FUCA1: variants seen among roughly 807,000 people sequenced by gnomAD.
FUCA1 encodes the protein alpha-L-fucosidase 1.
FUCA1 carries 52 observed loss-of-function variants against 56.8 expected under a neutral mutation model. The observed-to-expected ratio is 0.92, with a 90% confidence interval of 0.73 to 1.15. The LOEUF is 1.15. Ranked by LOEUF, FUCA1 falls within the 50% of genes most tolerant of loss-of-function variation. The pLI is 0.00. For synonymous variants in FUCA1, 230 were observed against 226.6 expected (o/e 1.02, Z -0.14); for missense variants, 568 against 592.6 (o/e 0.96, Z 0.43).
chr1:23,847,027 C>A (rs1639157876), intron 6 of FUCA1, among the ~76,000 whole-genome samples: 1 of 152,112 alleles, frequency 6.6e-6, no homozygotes, highest in Non-Finnish European at 1.5e-5. Flanking sequence ...GCCACTCATT[C>A]CCCTTTCAAT....
At chr1:23,846,005 G>A (rs897382763) in intron 7 of FUCA1, 69 bp downstream of exon 7, 1 of 1,500,960 alleles carries the variant, frequency 6.7e-7, no homozygotes, top group Non-Finnish European at 9.3e-7. Context: ...TGGCAGGGAA[G>A]GAAGAAAGGA....
chr1:23,860,820 G>A (rs1038922425), intron 3 of FUCA1, among the ~76,000 whole-genome samples: 2 of 151,524 alleles, frequency 1.3e-5, no homozygotes, highest in Non-Finnish European at 2.9e-5. Flanking sequence ...CATATTTTCA[G>A]TACAGACAGT....
At chr1:23,853,358 C>T (rs545050203) in intron 5 of FUCA1, among the ~76,000 whole-genome samples, 11 of 151,468 alleles carry the variant, frequency 7.3e-5, no homozygotes, top group East Asian at 5.9e-4. Flanking sequence ...GGTCAGCCCC[C>T]GCCCGGCCAG....
chr1:23,863,381 A>T, intron 2 of FUCA1, 110 bp from the exon 3 acceptor site: 1 of 1,053,522 alleles, frequency 9.5e-7, no homozygotes, highest in Non-Finnish European at 1.4e-6. Flanking sequence ...CACTCATAAG[A>T]GCATATAGAG....
chr1:23,848,477 C>T (rs1392828662), intron 6 of FUCA1, among the ~76,000 whole-genome samples, 172 bp downstream of exon 6: 1 of 152,148 alleles, frequency 6.6e-6, no homozygotes, highest in Non-Finnish European at 1.5e-5. Context: ...TCAAAGATAA[C>T]CAAGTAGCCT....
intron 5 of FUCA1, among the ~76,000 whole-genome samples, chr1:23,851,379 T>TAC (rs1214463507): frequency 2.7e-3 from 226 of 83,508 alleles, no homozygotes; most frequent in South Asian, 4.4e-3. Context: ...AATAAATAAA[T>TAC]ATACACATAC....
At chr1:23,861,254 C>T (rs1332555104) in intron 3 of FUCA1, among the ~76,000 whole-genome samples, 20 of 133,340 alleles carry the variant, frequency 1.5e-4, no homozygotes, top group African/African-American at 5.1e-4. Flanking sequence ...ACCCGGGAGG[C>T]GGAGCTTGCA....
In FUCA1 at chr1:23,848,630, A is replaced by G. The variant is rs1232127960; in HGVS notation, c.1160+19T>C. On this transcript the variant is annotated intron_variant, in intron 6 of 7. Coordinates refer to ENST00000374479, the MANE Select transcript of FUCA1 (RefSeq NM_000147.5). The stretch of plus-strand genomic sequence containing the variant: ...GGGGCACTGTTCTGTTCTTACACAC[A>G]ACAGAAGACAAGACTCACCATACAG... 1.2e-6 allele frequency: 2 copies of G among 1,613,418 alleles called. No homozygotes were observed. Among genetic ancestry groups the G allele is most frequent in the Non-Finnish European group, 1.7e-6 (2 of 1,179,502 alleles).
rs1639639843 is a variant in FUCA1, at chr1:23,867,076, C to T, written c.389+822G>A. Among the ~76,000 whole-genome samples the T allele has an allele frequency of 6.6e-6, 1 of 152,184 alleles. No homozygotes were observed. The highest frequency in any genetic ancestry group is 2.1e-4 in the South Asian group (1 of 4,828). ...TAAGCCAGGGGCTGGGGAAACCTCC[C>T]CGCCTCCATTTTTACTCTTCTCCAA... On this transcript the variant is annotated intron_variant, in intron 1 of 7. Transcript: ENST00000374479. This position sits in a 1 kb window ranked among gnomAD's most constrained non-coding sequence, Gnocchi z 4.9.
At chr1:23,863,011 T>G (rs1380561174) in intron 3 of FUCA1, 123 bp downstream of exon 3, 1 of 1,054,804 alleles carries the variant, frequency 9.5e-7, no homozygotes, top group Non-Finnish European at 1.5e-6. Context: ...CCACCACTTT[T>G]TATTATTTTG....
intron 4 of FUCA1, among the ~76,000 whole-genome samples, chr1:23,855,486 C>T (rs888159586): frequency 1.3e-5 from 2 of 152,180 alleles, no homozygotes; most frequent in Non-Finnish European, 1.5e-5. Flanking sequence ...AACAGCAGAG[C>T]GAGACTCCGT....
intron 6 of FUCA1, 126 bp from the exon 7 acceptor site, chr1:23,846,299 T>C (rs1188001111): frequency 1.1e-5 from 8 of 701,190 alleles, no homozygotes; most frequent in Non-Finnish European, 1.7e-5. Context: ...TGAGACAGAG[T>C]CTCCCTCTGT....
intron 6 of FUCA1, among the ~76,000 whole-genome samples, chr1:23,846,462 C>T (rs540927950): frequency 6.6e-6 from 1 of 152,032 alleles, no homozygotes; most frequent in Non-Finnish European, 1.5e-5. Flanking sequence ...GTAGAGATGG[C>T]ATTTTGCTAT....
At chr1:23,849,076 C>G (rs538800378) in intron 5 of FUCA1, among the ~76,000 whole-genome samples, 4 of 152,134 alleles carry the variant, frequency 2.6e-5, no homozygotes, top group African/African-American at 9.6e-5. Context: ...CTCCACCTCC[C>G]TGTTCAAGCG....
chr1:23,853,932 G>A (rs1278605078), intron 5 of FUCA1, among the ~76,000 whole-genome samples: 1 of 150,148 alleles, frequency 6.7e-6, no homozygotes, highest in East Asian at 1.9e-4. Context: ...ACTGCGGAAG[G>A]CCGCAGGGTC....
chr1:23,857,445 G>A (rs1292384626), intron 4 of FUCA1, among the ~76,000 whole-genome samples: 1 of 152,038 alleles, frequency 6.6e-6, no homozygotes, highest in Non-Finnish European at 1.5e-5. Context: ...CATTACCTAG[G>A]GATGAACTGC....
intron 5 of FUCA1, among the ~76,000 whole-genome samples, chr1:23,849,575 CTTT>C (rs991049814): frequency 5.0e-5 from 4 of 80,258 alleles, no homozygotes; most frequent in African/African-American, 2.1e-4. Context: ...GAGATACGTT[CTTT>C]TTTTTTTTTT....
intron 4 of FUCA1, among the ~76,000 whole-genome samples, chr1:23,856,049 G>A (rs1238914579): frequency 1.3e-5 from 2 of 152,150 alleles, no homozygotes; most frequent in Non-Finnish European, 2.9e-5. Context: ...AGGGCTTTGA[G>A]GTTCATAGCT....
chr1:23,848,573 A>C lies in FUCA1; in HGVS notation c.1160+76T>G, dbSNP rs1188143758. On this transcript the variant is annotated intron_variant, in intron 6 of 7. Transcript: ENST00000374479. ...GGCAACTTCCAGCCTGGCTTGTGAC[A>C]TTGTGGACCCAAGGAGATACCAGTT... The C allele has an allele frequency of 9.9e-6, 14 of 1,409,494 alleles. No homozygotes were observed. In the East Asian group the frequency reaches 3.0e-4, roughly 30 times the overall value. 87.3% of individuals were successfully genotyped at this position (1,409,494 alleles called of 1,614,324 possible).
Sources: allele counts gnomAD v4.1 joint callset (sites outside exome capture counted in the v4.1 genomes callset), GRCh38; gene constraint gnomAD v4.1.1; non-coding constraint Gnocchi (gnomAD v3.1); transcripts MANE v1.5; gene names NCBI Gene and HGNC (gene_info 2026-07-23, HGNC 2026-07-21).